TTC1: variants seen among roughly 807,000 people sequenced by gnomAD.
TTC1 encodes tetratricopeptide repeat domain 1, also known as tetratricopeptide repeat protein 1.
TTC1 carries 31 observed loss-of-function variants against 37.6 expected under a neutral mutation model. The observed-to-expected ratio is 0.82, with a 90% CI of 0.62 to 1.11. The LOEUF is 1.11. Among genes scored for constraint, TTC1 ranks in the 50% most tolerant of loss-of-function variants. The pLI, the probability that TTC1 is intolerant of heterozygous loss-of-function variation, is 0.00. For missense variants in TTC1, 351 were observed against 339.0 expected, an observed-to-expected ratio of 1.04 and a Z score of -0.28; for synonymous variants, 127 against 122.4, an observed-to-expected ratio of 1.04 and a Z score of -0.25.
intron 5 of TTC1, among the ~76,000 whole-genome samples, chr5:160,046,947 G>T (rs944344369): frequency 6.6e-6 from 1 of 152,258 alleles, no homozygotes; most frequent in Admixed American, 6.5e-5. Context: ...GGGAGGTGGA[G>T]GTTGCAGTGA....
chr5:160,018,561 G>A (rs1756645966), intron 2 of TTC1, among the ~76,000 whole-genome samples: 1 of 152,224 alleles, frequency 6.6e-6, no homozygotes, highest in African/African-American at 2.4e-5. Flanking sequence ...GATGGCTGAA[G>A]CATGATGATT....
At chr5:160,025,350 C>T (rs1489668031) in intron 2 of TTC1, among the ~76,000 whole-genome samples, 9 of 151,670 alleles carry the variant, frequency 5.9e-5, no homozygotes, top group African/African-American at 9.7e-5. Context: ...TTAGTAGAGA[C>T]GGGGTTTTGC....
In TTC1 at chr5:160,065,379, A is replaced by T; in HGVS notation, c.*314A>T. 2.0e-6 allele frequency: 1 copy of T among 504,840 alleles called. No individual in the cohort carries two copies. 31.3% of individuals were successfully genotyped at this position (504,840 alleles called of 1,614,324 possible). A position where few individuals can be genotyped will look rare whatever the true frequency, so the allele number is the denominator to read the frequency against. ...TCCTGATCATACACACACACAGCCC[A>T]GCAAAAGCCTCTCCTGAACCAAACA... On this transcript the variant is annotated 3_prime_UTR_variant, in exon 8 of 8. Coordinates refer to ENST00000231238, the MANE Select transcript of TTC1 (RefSeq NM_003314.3).
chr5:160,009,576 C>A (rs536516178), intron 1 of TTC1, among the ~76,000 whole-genome samples: 1 of 151,972 alleles, frequency 6.6e-6, no homozygotes, highest in African/African-American at 2.4e-5. Context: ...GGCTGCATAT[C>A]AGAATCACCT....
At chr5:160,016,575 T>A (rs887009617) in intron 2 of TTC1, among the ~76,000 whole-genome samples, 3 of 152,138 alleles carry the variant, frequency 2.0e-5, no homozygotes, top group African/African-American at 7.2e-5. Context: ...AGTAAGTAAC[T>A]TTGAGAGGTA....
chr5:160,036,526 A>G, intron 3 of TTC1, 165 bp from the exon 4 acceptor site: 1 of 565,222 alleles, frequency 1.8e-6, no homozygotes, highest in Non-Finnish European at 3.2e-6. Flanking sequence ...AGAGAGAAGA[A>G]AAGAAGAAAT....
At chr5:160,045,679 T>C (rs1241027885) in intron 5 of TTC1, among the ~76,000 whole-genome samples, 2 of 151,834 alleles carry the variant, frequency 1.3e-5, no homozygotes, top group African/African-American at 4.8e-5. Flanking sequence ...CTCACCTCAG[T>C]CTCCTAAGTA....
chr5:160,029,669 G>T (rs1185758140), intron 2 of TTC1, among the ~76,000 whole-genome samples: 1 of 151,944 alleles, frequency 6.6e-6, no homozygotes, highest in Non-Finnish European at 1.5e-5. Context: ...ATTGATCTAG[G>T]ACTCCTTGGA....
chr5:160,031,892 T>TA (rs773319602), intron 2 of TTC1, among the ~76,000 whole-genome samples: 1 of 151,922 alleles, frequency 6.6e-6, no homozygotes, highest in Non-Finnish European at 1.5e-5. Context: ...TAGTCCCCGC[T>TA]ACTCAAAAGG....
chr5:160,033,707 A>G (rs1445077696), intron 2 of TTC1, among the ~76,000 whole-genome samples: 3 of 152,250 alleles, frequency 2.0e-5, no homozygotes, highest in Admixed American at 1.3e-4. Flanking sequence ...ATGAAAGTGA[A>G]CTCACTATCA....
intron 6 of TTC1, among the ~76,000 whole-genome samples, chr5:160,049,952 A>T (rs1757358066): frequency 6.6e-6 from 1 of 152,014 alleles, no homozygotes; most frequent in Admixed American, 6.5e-5. Context: ...GGTCGTACAC[A>T]TCTGTAATCC....
intron 2 of TTC1, among the ~76,000 whole-genome samples, chr5:160,033,263 A>G (rs1208729035): frequency 6.6e-6 from 1 of 152,166 alleles, no homozygotes; most frequent in Non-Finnish European, 1.5e-5. Context: ...CCTTTAGAAT[A>G]GCCCTTCCCT....
chr5:160,015,789 G>A (rs567229298), intron 2 of TTC1, among the ~76,000 whole-genome samples: 6 of 152,272 alleles, frequency 3.9e-5, no homozygotes, highest in South Asian at 2.1e-4. Context: ...CCATTCAGTC[G>A]GAATCATAGG....
intron 2 of TTC1, among the ~76,000 whole-genome samples, chr5:160,020,556 C>T (rs1581094901): frequency 2.0e-5 from 3 of 152,198 alleles, no homozygotes; most frequent in Non-Finnish European, 1.5e-5. Context: ...GGCTAGTGAG[C>T]GAAGCTTCAT....
chr5:160,029,795 G>A (rs375740509), intron 2 of TTC1, among the ~76,000 whole-genome samples: 2 of 152,340 alleles, frequency 1.3e-5, no homozygotes, highest in East Asian at 3.9e-4. Flanking sequence ...ACCCTTGGGA[G>A]AATAAACCCA....
chr5:160,046,143 T>A (rs1218640097), intron 5 of TTC1, among the ~76,000 whole-genome samples: 1 of 152,242 alleles, frequency 6.6e-6, no homozygotes, highest in Non-Finnish European at 1.5e-5. Flanking sequence ...TGTCTATACT[T>A]GGCTGTCTCT....
chr5:160,012,962 T>C (rs1344044955), intron 2 of TTC1, among the ~76,000 whole-genome samples: 2 of 152,194 alleles, frequency 1.3e-5, no homozygotes, highest in African/African-American at 4.8e-5. Flanking sequence ...GTCCCATAGG[T>C]GGTTTTTTCC....
chr5:160,054,276 G>T (rs781724609), intron 7 of TTC1, among the ~76,000 whole-genome samples: 1 of 152,140 alleles, frequency 6.6e-6, no homozygotes, highest in Non-Finnish European at 1.5e-5. Flanking sequence ...TGCTTTATTT[G>T]CTTTCTCTCT....
chr5:160,019,577 ATTCT>A, intron 2 of TTC1, among the ~76,000 whole-genome samples: 1 of 120,908 alleles, frequency 8.3e-6, no homozygotes. Context: ...CTTTTCTTTC[ATTCT>A]TTTTTTTTTT....
Sources: gnomAD v4.1 joint callset for allele counts (sites outside exome capture counted in the v4.1 genomes callset) on GRCh38, gnomAD v4.1.1 for gene constraint, MANE v1.5 for transcripts, NCBI Gene and HGNC (gene_info 2026-07-23, HGNC 2026-07-21) for gene names.